Variants in GRIK1 observed in about 807,000 individuals in gnomAD.
GRIK1 encodes glutamate receptor ionotropic, kainate 1.
GRIK1 carries 69 observed loss-of-function variants against 105.7 expected under a neutral mutation model. That is an observed-to-expected ratio of 0.65 (90% CI 0.54 to 0.80). The LOEUF (loss-of-function observed/expected upper bound fraction) is 0.80. Ranked by LOEUF, GRIK1 falls within the 30% of genes least tolerant of loss-of-function variation. The pLI is 0.00. For synonymous variants in GRIK1, 438 were observed against 431.3 expected (o/e 1.02, Z -0.19); for missense variants, 1,109 against 1,167.3 (o/e 0.95, Z 0.73).
intron 1 of GRIK1, among the ~76,000 whole-genome samples, chr21:29,913,007 G>T (rs1004968589): frequency 6.6e-6 from 1 of 151,994 alleles, no homozygotes; most frequent in Non-Finnish European, 1.5e-5. Context: ...ATTACATGAC[G>T]TACTTAATAC....
At chr21:29,750,912 G>A (rs939856927) in intron 1 of GRIK1, among the ~76,000 whole-genome samples, 5 of 152,180 alleles carry the variant, frequency 3.3e-5, no homozygotes, top group Admixed American at 6.5e-5. Context: ...GGGTGCAGGC[G>A]GACTGAGTCC....
intron 1 of GRIK1, among the ~76,000 whole-genome samples, chr21:29,757,058 A>G (rs1213301877): frequency 6.6e-6 from 1 of 152,188 alleles, no homozygotes; most frequent in Non-Finnish European, 1.5e-5. Flanking sequence ...CAGAGGTTGC[A>G]GTGAGCCAAG....
chr21:29,919,631 G>A (rs1307498455), intron 1 of GRIK1, among the ~76,000 whole-genome samples: 1 of 152,108 alleles, frequency 6.6e-6, no homozygotes, highest in Non-Finnish European at 1.5e-5. Flanking sequence ...AGAACCAAGA[G>A]TTTGCTAGAA....
At chr21:29,764,598 G>A (rs1256359728) in intron 1 of GRIK1, among the ~76,000 whole-genome samples, 4 of 152,278 alleles carry the variant, frequency 2.6e-5, no homozygotes, top group East Asian at 3.9e-4. Flanking sequence ...TAAATCCAAA[G>A]TTTGATGTCC....
intron 3 of GRIK1, among the ~76,000 whole-genome samples, chr21:29,683,767 C>A (rs553782329): frequency 2.6e-5 from 4 of 152,224 alleles, no homozygotes; most frequent in Admixed American, 2.6e-4. Flanking sequence ...TAATCTAAAC[C>A]AAAAGTTGAA....
At position 29,588,730 on chromosome 21, in the gene GRIK1, A is replaced by G. The variant is rs1054371294; in HGVS notation, c.1569+109T>C. On this transcript the variant is annotated intron_variant, in intron 11 of 17. Coordinates refer to ENST00000327783, the MANE Select transcript of GRIK1 (RefSeq NM_001330994.2). ...CAGGCTGTTTTACTTTGCTTCTTAA[A>G]AAAATTGTTACGATTCAAAAAAAGG... The G allele has an allele frequency of 2.8e-5, 20 of 706,690 alleles. No individual in the cohort carries two copies. In the African/African-American group the frequency reaches 3.4e-4, roughly 12 times the overall value. 43.8% of individuals were successfully genotyped at this position (706,690 alleles called of 1,614,324 possible).
intron 1 of GRIK1, among the ~76,000 whole-genome samples, chr21:29,900,616 A>G (rs1259458211): frequency 1.3e-5 from 2 of 152,184 alleles, no homozygotes; most frequent in African/African-American, 4.8e-5. Flanking sequence ...CACCCAATAC[A>G]GGAGCACCCA....
chr21:29,935,501 A>C (rs927670207), intron 1 of GRIK1, among the ~76,000 whole-genome samples: 3 of 152,244 alleles, frequency 2.0e-5, no homozygotes, highest in Non-Finnish European at 4.4e-5. Context: ...GTACACACTT[A>C]TGTAAAAATA....
intron 1 of GRIK1, among the ~76,000 whole-genome samples, chr21:29,767,949 A>G (rs976608109): frequency 6.6e-6 from 1 of 151,460 alleles, no homozygotes; most frequent in African/African-American, 2.4e-5. Context: ...GAACATTTGT[A>G]TTTTACTTCC....
chr21:29,551,751 T>G (rs1251963984), intron 16 of GRIK1, among the ~76,000 whole-genome samples: 1 of 152,160 alleles, frequency 6.6e-6, no homozygotes, highest in Non-Finnish European at 1.5e-5. Flanking sequence ...TGTCAATACT[T>G]CATCAATCAC....
chr21:29,670,920 G>T (rs2063148942), intron 4 of GRIK1, among the ~76,000 whole-genome samples: 1 of 152,180 alleles, frequency 6.6e-6, no homozygotes, highest in Non-Finnish European at 1.5e-5. Flanking sequence ...AATATCTAAA[G>T]ATTTGTTAAT....
chr21:29,719,956 A>G (rs941672426), intron 1 of GRIK1, among the ~76,000 whole-genome samples: 5 of 152,270 alleles, frequency 3.3e-5, no homozygotes, highest in Non-Finnish European at 7.3e-5. Flanking sequence ...GCTAATCACA[A>G]TAAAGTCATT....
At chr21:29,761,545 A>G (rs1175125347) in intron 1 of GRIK1, 3 of 152,208 alleles carry the variant, frequency 2.0e-5, no homozygotes, top group Non-Finnish European at 2.9e-5. Flanking sequence ...AAAGCAAATC[A>G]TGCTATATAT....
chr21:29,605,743 A>G (rs1432974481), intron 7 of GRIK1, among the ~76,000 whole-genome samples: 2 of 152,154 alleles, frequency 1.3e-5, no homozygotes, highest in Non-Finnish European at 2.9e-5. Flanking sequence ...AAAGGAATTT[A>G]AATATGTAAA....
intron 1 of GRIK1, among the ~76,000 whole-genome samples, chr21:29,747,749 A>G (rs149717614): frequency 0.017 from 2,575 of 152,266 alleles, 79 homozygotes; most frequent in African/African-American, 0.058. Flanking sequence ...GAATCGCTTG[A>G]ACCTGGGAGG....
At chr21:29,823,508 A>C (rs1371517499) in intron 1 of GRIK1, among the ~76,000 whole-genome samples, 2 of 152,002 alleles carry the variant, frequency 1.3e-5, no homozygotes, top group Non-Finnish European at 2.9e-5. Context: ...TACAAATTTG[A>C]AGCTCATGTT....
intron 7 of GRIK1, among the ~76,000 whole-genome samples, chr21:29,626,471 A>T (rs1025952821): frequency 1.3e-5 from 2 of 152,192 alleles, no homozygotes; most frequent in Non-Finnish European, 2.9e-5. Flanking sequence ...AGATGAACAC[A>T]TGAAGAAAAC....
chr21:29,846,463 G>GAGAA (rs56303585), intron 1 of GRIK1, among the ~76,000 whole-genome samples: 4,662 of 127,810 alleles, frequency 0.036, 129 homozygotes, highest in African/African-American at 0.063. Flanking sequence ...GAAAGAGAGA[G>GAGAA]AGAAAGAAAG....
chr21:29,592,342 A>C (rs1294551739), intron 9 of GRIK1, among the ~76,000 whole-genome samples: 1 of 152,230 alleles, frequency 6.6e-6, no homozygotes, highest in African/African-American at 2.4e-5. Context: ...CAACCATGGC[A>C]ACTGGCATTC....
Sources: allele counts gnomAD v4.1 joint callset (sites outside exome capture counted in the v4.1 genomes callset), GRCh38; gene constraint gnomAD v4.1.1; transcripts MANE v1.5; gene names NCBI Gene and HGNC (gene_info 2026-07-23, HGNC 2026-07-21).